Variants in CLDN2 observed in about 807,000 individuals in gnomAD.
CLDN2 encodes the protein claudin 2, also known as claudin-2.
A neutral mutation model predicts 8.2 loss-of-function variants in CLDN2; 1 was observed. That is an observed-to-expected ratio of 0.12 (90% CI 0.04 to 0.58). The LOEUF (loss-of-function observed/expected upper bound fraction) is 0.58, where lower values mean the gene tolerates loss of function less well. Ranked by LOEUF, CLDN2 falls within the 20% of genes least tolerant of loss-of-function variation. The pLI, the probability that CLDN2 is intolerant of heterozygous loss-of-function variation, is 0.90. For synonymous variants in CLDN2, 70 were observed against 70.2 expected (o/e 1.00, Z 0.01); for missense variants, 108 against 172.9 (o/e 0.62, Z 2.11).
chrX:106,926,292 G>A (rs1933464846), intron 1 of CLDN2, among the ~76,000 whole-genome samples: 1 of 111,482 alleles, frequency 9.0e-6, no homozygotes, highest in Non-Finnish European at 1.9e-5. Flanking sequence ...TGTCAAATTC[G>A]AGATGTCTAT....
At position 106,929,065 on chromosome X, in the gene CLDN2, G is replaced by A. The variant is rs1933510483; in HGVS notation, c.*144G>A. ...AGACTGACTTTGGCCATTGGATTGA[G>A]CAAAGGCAGAAATGGGGGCTAGTGT... On this transcript the variant is annotated 3_prime_UTR_variant, in exon 2 of 2. Transcript: ENST00000336803. 2 of 504,083 alleles carry A rather than the reference G, an allele frequency of 4.0e-6. No individual in the cohort carries two copies. Among genetic ancestry groups the A allele is most frequent in the Non-Finnish European group, 6.7e-6 (2 of 299,883 alleles). The allele number at this position is 504,083 out of a possible 1,213,427, so 41.5% of individuals were successfully genotyped here. A position where few individuals can be genotyped will look rare whatever the true frequency, so the allele number is the denominator to read the frequency against.
intron 1 of CLDN2, among the ~76,000 whole-genome samples, chrX:106,902,570 C>T (rs752494944): frequency 9.0e-6 from 1 of 111,603 alleles, no homozygotes; most frequent in East Asian, 2.8e-4. Context: ...TGAGTGGGGG[C>T]TAGATGGAAA....
intron 1 of CLDN2, chrX:106,902,266 G>T (rs2147785887): frequency 9.6e-7 from 1 of 1,041,740 alleles, no homozygotes; most frequent in Non-Finnish European, 1.3e-6. Context: ...TGAAAGGTGG[G>T]CTCCCTGAGA....
intron 1 of CLDN2, among the ~76,000 whole-genome samples, chrX:106,907,088 G>T (rs944081320): frequency 2.7e-5 from 3 of 112,120 alleles, no homozygotes; most frequent in Non-Finnish European, 5.6e-5. Context: ...TCTGCCAAAG[G>T]TCACCAATGA....
chrX:106,928,221 G>C lies in CLDN2; in HGVS notation c.-8G>C. The C allele has an allele frequency of 8.3e-7, 1 of 1,198,152 alleles. No homozygotes were observed. Among genetic ancestry groups the C allele is most frequent in the Non-Finnish European group, 1.1e-6 (1 of 885,654 alleles). On this transcript the variant is annotated 5_prime_UTR_variant, in exon 2 of 2. Coordinates refer to ENST00000336803, the MANE Select transcript of CLDN2 (RefSeq NM_020384.4). ...GTCCCTGAAGACGCTTCTACTGAGA[G>C]GTCTGCCATGGCCTCTCTTGGCCTC...
upstream of CLDN2, among the ~76,000 whole-genome samples, chrX:106,919,749 G>T (rs1248837066): frequency 1.8e-5 from 2 of 112,853 alleles, no homozygotes; most frequent in Non-Finnish European, 3.7e-5. Context: ...CTCCCAAAGT[G>T]CTGGGATTAC....
upstream of CLDN2, among the ~76,000 whole-genome samples, chrX:106,919,538 C>T (rs1013376699): frequency 1.8e-5 from 2 of 111,432 alleles, no homozygotes; most frequent in Non-Finnish European, 3.8e-5. Flanking sequence ...GGCTGGAGTG[C>T]AGTGGTATGA....
upstream of CLDN2, among the ~76,000 whole-genome samples, chrX:106,915,335 A>C (rs1441782414): frequency 8.9e-6 from 1 of 112,272 alleles, no homozygotes; most frequent in Non-Finnish European, 1.9e-5. Flanking sequence ...CATTGACAGA[A>C]TGTGCTCTTC....
chrX:106,906,757 A>G (rs1165210205), intron 1 of CLDN2, among the ~76,000 whole-genome samples: 1 of 110,969 alleles, frequency 9.0e-6, no homozygotes, highest in East Asian at 2.9e-4. Flanking sequence ...CCCTTCCTCC[A>G]GCCATTTGTT....
Position 106,928,477 on chromosome X carries a change from G to C in CLDN2, c.249G>C (p.Met83Ile). 8.3e-7 allele frequency: 1 copy of C among 1,211,963 alleles called. No individual in the cohort carries two copies. The highest frequency in any genetic ancestry group is 1.1e-6 in the Non-Finnish European group (1 of 895,556). The change falls in exon 2 of 2, where the codon ATG (methionine) becomes ATC (isoleucine). Residue 83 changes from methionine (M) to isoleucine (I), a missense_variant. Around this residue, in one of 2 missense-constraint regions of CLDN2, gnomAD observed 27 missense variants for 72.2 expected, o/e 0.37. Transcript: ENST00000336803. Reference protein sequence around the residue: ...LPADIQAAQAMMVTSSAISSL... With the variant: ...LPADIQAAQAIMVTSSAISSL... ...CTGACATCCAGGCTGCCCAGGCCATGATGGTGACATCCAGTGCAATCTCCT... is the reference window on the plus strand; with the variant it reads ...CTGACATCCAGGCTGCCCAGGCCATCATGGTGACATCCAGTGCAATCTCCT...
At chrX:106,907,711 T>TAA (rs1210479034) in intron 1 of CLDN2, among the ~76,000 whole-genome samples, 1 of 91,127 alleles carries the variant, frequency 1.1e-5, no homozygotes, top group African/African-American at 5.7e-5. Context: ...AAAATAATAA[T>TAA]AATAATAATA....
At position 106,907,750 on chromosome X, in the gene CLDN2, A is replaced by T. The variant is rs6622119; in HGVS notation, c.-179+7246A>T. On this transcript the variant is annotated intron_variant, in intron 1 of 1. Coordinates refer to the CLDN2 transcript ENST00000541806. ...ATAATAATAATAATAATAATAATAA[A>T]GGACTCTCCTTCGTTCTGAGATTAT... Among the ~76,000 whole-genome samples the T allele has an allele frequency of 5.6e-4, 59 of 106,227 alleles. 1 individual carries two copies. In the East Asian group the frequency reaches 0.017, roughly 31 times the overall value. The allele number at this position is 106,227 out of a possible 115,157, so 92.2% of individuals were successfully genotyped here.
intron 1 of CLDN2, among the ~76,000 whole-genome samples, chrX:106,906,330 A>G (rs1933177802): frequency 9.0e-6 from 1 of 111,204 alleles, no homozygotes; most frequent in Admixed American, 9.6e-5. Context: ...GGAAAGTGCC[A>G]TGGACTCTGC....
chrX:106,903,228 T>G, intron 1 of CLDN2: 5 of 1,210,034 alleles, frequency 4.1e-6, no homozygotes, highest in Non-Finnish European at 5.6e-6. Flanking sequence ...GGTCTGGAGC[T>G]AGGGCCAAAG....
upstream of CLDN2, among the ~76,000 whole-genome samples, chrX:106,917,667 GCTCTCTTTGATTTTCTTCCTCAAAGACC>G (rs1206468837): frequency 6.4e-5 from 7 of 110,022 alleles, no homozygotes; most frequent in African/African-American, 2.3e-4. Flanking sequence ...TTTCTACAGA[GCTCTCTTTGATTTTCTTCCTCAAAGACC>G]CTTTTTCTCT....
rs763951976 is a variant in CLDN2 at position 106,928,978 on chromosome X, C to A, written c.*57C>A. ...GGTCTGTGAAAAACAGTGGACAGCA[C>A]CCCGAGGGCCACAGGTGAGGGACAC... On this transcript the variant is annotated 3_prime_UTR_variant, in exon 2 of 2. Coordinates refer to ENST00000336803, the MANE Select transcript of CLDN2 (RefSeq NM_020384.4). 6.1e-6 allele frequency: 6 copies of A among 986,879 alleles called. No individual in the cohort carries two copies. The highest frequency in any genetic ancestry group is 3.1e-5 in the East Asian group (1 of 32,448). 81.3% of individuals were successfully genotyped at this position (986,879 alleles called of 1,213,427 possible). A position where few individuals can be genotyped will look rare whatever the true frequency, so the allele number is the denominator to read the frequency against.
upstream of CLDN2, among the ~76,000 whole-genome samples, chrX:106,914,446 C>T (rs1019013419): frequency 3.6e-5 from 4 of 111,357 alleles, no homozygotes; most frequent in South Asian, 3.8e-4. Context: ...TAAATACCCC[C>T]CTTCTCTACC....
At position 106,906,645 on chromosome X, in the gene CLDN2, T is replaced by G. The variant is rs72618346; in HGVS notation, c.-179+6141T>G. 5.4e-5 allele frequency among the ~76,000 whole-genome samples: 6 copies of G among 111,210 alleles called. No individual in the cohort carries two copies. In the East Asian group the frequency reaches 1.7e-3, roughly 32 times the overall value. On this transcript the variant is annotated intron_variant, in intron 1 of 1. Coordinates refer to the CLDN2 transcript ENST00000541806. ...CTCAAACTTGGCCTGCCTTTCCAACTTCCTTCCCCTCCAGCCCTCTCTTCT... is the reference window on the plus strand; with the variant it reads ...CTCAAACTTGGCCTGCCTTTCCAACGTCCTTCCCCTCCAGCCCTCTCTTCT...
chrX:106,910,304 T>C (rs1220216795), intron 1 of CLDN2, among the ~76,000 whole-genome samples: 1 of 111,725 alleles, frequency 9.0e-6, no homozygotes, highest in Admixed American at 9.5e-5. Flanking sequence ...CTCACATCTA[T>C]TGACTGCTTA....
Sources: gnomAD v4.1 joint callset for allele counts (sites outside exome capture counted in the v4.1 genomes callset) on GRCh38, gnomAD v4.1.1 for gene constraint, gnomAD v4.1.1 regional missense constraint, MANE v1.5 for transcripts, NCBI Gene and HGNC (gene_info 2026-07-23, HGNC 2026-07-21) for gene names.